Variants in SLC35D2 observed in about 807,000 individuals in gnomAD.
SLC35D2 encodes the protein solute carrier family 35 member D2.
SLC35D2 carries 43 observed loss-of-function variants against 41.8 expected under a neutral mutation model. That is an observed-to-expected ratio of 1.03 (90% confidence interval 0.81 to 1.33). The LOEUF is 1.33. SLC35D2 is among the 40% of genes most tolerant of loss of function. SLC35D2 has a pLI of 0.00. For missense variants in SLC35D2, 380 were observed against 408.4 expected (o/e 0.93, Z 0.60); for synonymous variants, 150 against 163.9 (o/e 0.92, Z 0.65).
intron 2 of SLC35D2, among the ~76,000 whole-genome samples, chr9:96,367,219 C>CAAAAAAAAAA (rs1171888357): frequency 1.4e-5 from 1 of 71,000 alleles, no homozygotes; most frequent in Non-Finnish European, 3.1e-5. Flanking sequence ...GACTCAGTCA[C>CAAAAAAAAAA]AAAAAAAAAA....
chr9:96,322,048 G>T lies in SLC35D2; in HGVS notation c.864C>A (p.Ile288=). The change falls in exon 11 of 12, where the codon ATC becomes ATA. Residue 288 remains isoleucine, a synonymous_variant. Coordinates refer to ENST00000253270, the MANE Select transcript of SLC35D2 (RefSeq NM_007001.3). ...ACAAAGAGAAAATGTAGTCTCCACC[G>T]ATTAATATCCCAATGTAGGCAACGG... ...NVSVAYIGIL[I]GGDYIFSLLN... 1 of 1,607,032 alleles carries T rather than the reference G, an allele frequency of 6.2e-7. No individual in the cohort carries two copies. Among genetic ancestry groups the T allele is most frequent in the Admixed American group, 1.7e-5 (1 of 59,776 alleles).
At chr9:96,362,341 C>G (rs1830310609) in intron 3 of SLC35D2, among the ~76,000 whole-genome samples, 1 of 152,112 alleles carries the variant, frequency 6.6e-6, no homozygotes, top group African/African-American at 2.4e-5. Context: ...AACCCCATCT[C>G]TTCTAAAAAT....
At chr9:96,351,303 T>A in intron 5 of SLC35D2, 132 bp from the exon 6 acceptor site, 2 of 650,842 alleles carry the variant, frequency 3.1e-6, no homozygotes, top group Non-Finnish European at 5.5e-6. Context: ...CAATGCTTGA[T>A]GCAGAGAAAG....
At chr9:96,343,554 C>A (rs1829435633) in intron 8 of SLC35D2, among the ~76,000 whole-genome samples, 1 of 152,188 alleles carries the variant, frequency 6.6e-6, no homozygotes, top group Admixed American at 6.5e-5. Flanking sequence ...AATAAATAAA[C>A]AAACCTATGT....
intron 8 of SLC35D2, among the ~76,000 whole-genome samples, chr9:96,341,907 A>G (rs905007389): frequency 6.6e-6 from 1 of 150,998 alleles, no homozygotes; most frequent in Non-Finnish European, 1.5e-5. Context: ...TGTTTTAACA[A>G]TATTTAGGAG....
intron 3 of SLC35D2, among the ~76,000 whole-genome samples, chr9:96,363,142 C>T (rs1051781946): frequency 5.9e-5 from 9 of 151,748 alleles, no homozygotes; most frequent in African/African-American, 1.9e-4. Context: ...GCTGGGATTA[C>T]AGGCGTGAGC....
chr9:96,341,982 C>A (rs558195520), intron 8 of SLC35D2, among the ~76,000 whole-genome samples: 2 of 150,460 alleles, frequency 1.3e-5, no homozygotes, highest in African/African-American at 4.9e-5. Flanking sequence ...AATTTCAGAA[C>A]AGATAAACTC....
chr9:96,356,318 C>T (rs1286604493), intron 4 of SLC35D2, among the ~76,000 whole-genome samples: 2 of 151,628 alleles, frequency 1.3e-5, no homozygotes, highest in African/African-American at 4.8e-5. Context: ...TTTACAGCAA[C>T]ACTAACAAAC....
At chr9:96,317,868 CAA>C (rs34659411), downstream of SLC35D2, among the ~76,000 whole-genome samples, 9,941 of 99,434 alleles carry the variant, frequency 0.1, 437 homozygotes, top group South Asian at 0.24. Context: ...ACCAAAAATA[CAA>C]AAAAAAAAAA....
intron 4 of SLC35D2, among the ~76,000 whole-genome samples, chr9:96,352,963 G>A (rs895509164): frequency 7.2e-5 from 11 of 152,158 alleles, no homozygotes; most frequent in East Asian, 3.9e-4. Flanking sequence ...GCTTGAACCC[G>A]TGAGGCGGAG....
At chr9:96,330,985 C>T (rs1828782440) in intron 9 of SLC35D2, among the ~76,000 whole-genome samples, 1 of 152,326 alleles carries the variant, frequency 6.6e-6, no homozygotes, top group South Asian at 2.1e-4. Flanking sequence ...GCAACCTCCA[C>T]CTCCCAGGTT....
At chr9:96,341,079 G>C (rs1447774101) in intron 8 of SLC35D2, among the ~76,000 whole-genome samples, 1 of 152,110 alleles carries the variant, frequency 6.6e-6, no homozygotes, top group Non-Finnish European at 1.5e-5. Flanking sequence ...TTGAGGTCAG[G>C]AGTTTGAGAC....
At chr9:96,320,590 T>A (rs1026902808), downstream of SLC35D2, 9 of 152,078 alleles carry the variant, frequency 5.9e-5, no homozygotes, top group African/African-American at 2.2e-4. Flanking sequence ...TTTGTAGCTT[T>A]CCCCAACCTC....
At position 96,383,660 on chromosome 9, in the gene SLC35D2, G is replaced by C. The variant is rs1208917595; in HGVS notation, c.-26C>G. On this transcript the variant is annotated 5_prime_UTR_variant, in exon 1 of 12. Transcript: ENST00000253270. ...CTCCTGCGGCCCCGCGGACCCCGCCGCCCGCCAGCCCCGGCTGCGCACTGG... is the reference window on the plus strand; with the variant it reads ...CTCCTGCGGCCCCGCGGACCCCGCCCCCCGCCAGCCCCGGCTGCGCACTGG... The C allele has an allele frequency of 2.7e-5, 27 of 1,011,262 alleles. No homozygotes were observed. The highest frequency in any genetic ancestry group is 3.2e-5 in the Non-Finnish European group (27 of 849,170). The allele number at this position is 1,011,262 out of a possible 1,614,324, so 62.6% of individuals were successfully genotyped here. A position where few individuals can be genotyped will look rare whatever the true frequency, so the allele number is the denominator to read the frequency against.
At chr9:96,354,875 G>A (rs1384256019) in intron 4 of SLC35D2, among the ~76,000 whole-genome samples, 1 of 150,354 alleles carries the variant, frequency 6.7e-6, no homozygotes, top group African/African-American at 2.4e-5. Context: ...TGTAAGACTT[G>A]TGTGCAGAAA....
chr9:96,321,769 G>A (rs906661319), intron 11 of SLC35D2, among the ~76,000 whole-genome samples: 3 of 152,170 alleles, frequency 2.0e-5, no homozygotes, highest in Admixed American at 1.3e-4. Context: ...GAAGACAGGT[G>A]AGTTAAATTC....
rs1554715405 is a variant in SLC35D2 at position 96,358,080 on chromosome 9, T to TATATATATATATATATA, written c.347+2073_347+2074insTATATATATATATATAT. Reference sequence around the variant, plus strand: ...ATGGATAAACAAAATATTATATATTTTATATATATATATATATATATATAT... The same window carrying TATATATATATATATATA: ...ATGGATAAACAAAATATTATATATTTATATATATATATATATATATATATATATATATATATATATAT... On this transcript the variant is annotated intron_variant, in intron 4 of 11. Coordinates refer to ENST00000253270, the MANE Select transcript of SLC35D2 (RefSeq NM_007001.3). Among the ~76,000 whole-genome samples, 674 of 122,536 alleles carry TATATATATATATATATA rather than the reference T, an allele frequency of 5.5e-3. 28 individuals are homozygous for TATATATATATATATATA. The highest frequency in any genetic ancestry group is 8.1e-3 in the Non-Finnish European group (511 of 62,814). The allele number at this position is 122,536 out of a possible 152,430, so 80.4% of individuals were successfully genotyped here.
At chr9:96,322,891 G>A (rs1587826976) in intron 10 of SLC35D2, among the ~76,000 whole-genome samples, 1 of 151,816 alleles carries the variant, frequency 6.6e-6, no homozygotes, top group African/African-American at 2.4e-5. Flanking sequence ...GCTCATTTTT[G>A]TACTTTTAGT....
intron 10 of SLC35D2, among the ~76,000 whole-genome samples, chr9:96,323,824 G>C (rs189118712): frequency 6.6e-6 from 1 of 152,178 alleles, no homozygotes; most frequent in Non-Finnish European, 1.5e-5. Flanking sequence ...TGCTCGGGAG[G>C]CTGAGGCAGG....
Sources: allele counts gnomAD v4.1 joint callset (sites outside exome capture counted in the v4.1 genomes callset), GRCh38; gene constraint gnomAD v4.1.1; transcripts MANE v1.5; gene names NCBI Gene and HGNC (gene_info 2026-07-23, HGNC 2026-07-21).